Variants in RGS7BP observed in about 807,000 individuals in gnomAD.
The protein encoded by RGS7BP is regulator of G protein signaling 7 binding protein, also known as regulator of G protein signaling 7-binding protein.
In RGS7BP, 9 loss-of-function variants were observed where a neutral mutation model predicts 31.3. The ratio of observed to expected loss-of-function variants is 0.29; its 90% confidence interval spans 0.17 to 0.50. The LOEUF (loss-of-function observed/expected upper bound fraction) is 0.50, where lower values mean the gene tolerates loss of function less well. RGS7BP is among the 20% of genes least tolerant of loss of function. The pLI is 0.98. For synonymous variants in RGS7BP, 115 were observed against 120.1 expected (o/e 0.96, Z 0.28); for missense variants, 274 against 322.0 (o/e 0.85, Z 1.14).
At chr5:64,567,194 A>G (rs1200410547) in intron 2 of RGS7BP, among the ~76,000 whole-genome samples, 3 of 139,256 alleles carry the variant, frequency 2.2e-5, no homozygotes, top group African/African-American at 8.1e-5. Flanking sequence ...GTGGACCACT[A>G]ATGCGGTCCA....
intron 4 of RGS7BP, among the ~76,000 whole-genome samples, chr5:64,598,107 G>A (rs1743123522): frequency 6.6e-6 from 1 of 152,166 alleles, no homozygotes; most frequent in Admixed American, 6.5e-5. Flanking sequence ...TTCGACTGGA[G>A]GCAGAGATGA....
chr5:64,556,527 G>A (rs1011324369), intron 2 of RGS7BP, among the ~76,000 whole-genome samples: 2 of 150,742 alleles, frequency 1.3e-5, no homozygotes, highest in African/African-American at 2.4e-5. Flanking sequence ...TGGAAAATTT[G>A]TTACAATTTT....
chr5:64,574,989 A>ATTGCATGTG (rs1742382407), intron 2 of RGS7BP, among the ~76,000 whole-genome samples: 1 of 152,122 alleles, frequency 6.6e-6, no homozygotes, highest in East Asian at 1.9e-4. Flanking sequence ...AACACATGCT[A>ATTGCATGTG]TTTTAGTTGC....
chr5:64,545,683 C>A (rs1057304519), intron 2 of RGS7BP, among the ~76,000 whole-genome samples: 4 of 152,088 alleles, frequency 2.6e-5, no homozygotes, highest in African/African-American at 9.7e-5. Context: ...TAGTTAACTG[C>A]ATCTAAGAAA....
At chr5:64,513,418 T>G (rs879790900) in intron 2 of RGS7BP, among the ~76,000 whole-genome samples, 26 of 152,174 alleles carry the variant, frequency 1.7e-4, no homozygotes, top group African/African-American at 5.1e-4. Context: ...TGTGTTTAAT[T>G]TTTTTGCCCT....
At chr5:64,538,919 C>T (rs1741454684) in intron 2 of RGS7BP, among the ~76,000 whole-genome samples, 1 of 152,122 alleles carries the variant, frequency 6.6e-6, no homozygotes, top group African/African-American at 2.4e-5. Context: ...GAGATTCATC[C>T]ACATTGTTGA....
In RGS7BP at chr5:64,529,629, G is replaced by C. The variant is rs867537942; in HGVS notation, c.332+21752G>C. Among the ~76,000 whole-genome samples the C allele has an allele frequency of 2.0e-5, 3 of 152,296 alleles. No homozygotes were observed. In the South Asian group the frequency reaches 6.2e-4, roughly 32 times the overall value. The stretch of plus-strand genomic sequence containing the variant: ...TTTTCTTGGTCTGGGGCATGGCCTG[G>C]GTTCCAGAATTTTTAAAATACCTCC... On this transcript the variant is annotated intron_variant, in intron 2 of 5. Coordinates refer to ENST00000334025, the MANE Select transcript of RGS7BP (RefSeq NM_001029875.3).
At chr5:64,589,071 G>A (rs1040057418) in intron 3 of RGS7BP, among the ~76,000 whole-genome samples, 5 of 152,118 alleles carry the variant, frequency 3.3e-5, no homozygotes, top group Non-Finnish European at 7.4e-5. Flanking sequence ...CAAGGTGGGT[G>A]GATCACTTAG....
At position 64,507,869 on chromosome 5, in the gene RGS7BP, C is replaced by T. The variant is rs1264927513; in HGVS notation, c.324C>T (p.Ala108=). 2 of 1,613,028 alleles carry T rather than the reference C, an allele frequency of 1.2e-6. No individual in the cohort carries two copies. The highest frequency in any genetic ancestry group is 1.1e-5 in the South Asian group (1 of 90,970). ...GTCAGGCACACCAAAAATTGGCTGC[C>T]ATCTCAGGGTAGGAGACTCGGCATT... ...MARQAHQKLA[A]ISGPEDGEIH... is the part of the protein sequence containing the mutation. The change falls in exon 2 of 6, where the codon GCC becomes GCT. Residue 108 remains alanine (A), a synonymous_variant. Coordinates refer to ENST00000334025, the MANE Select transcript of RGS7BP (RefSeq NM_001029875.3).
chr5:64,541,161 C>G (rs1453902465), intron 2 of RGS7BP, among the ~76,000 whole-genome samples: 1 of 152,096 alleles, frequency 6.6e-6, no homozygotes, highest in Non-Finnish European at 1.5e-5. Context: ...ACAATCATGG[C>G]AGAAGGCAAA....
At position 64,585,681 on chromosome 5, in the gene RGS7BP, G is replaced by A. The variant is rs147803372; in HGVS notation, c.464-9029G>A. ...GACCGGCAATTTCTCACGAATATAA[G>A]AATAACCAACCTTTCAATTTGTTAT... On this transcript the variant is annotated intron_variant, in intron 3 of 5. Coordinates refer to ENST00000334025, the MANE Select transcript of RGS7BP (RefSeq NM_001029875.3). Among the ~76,000 whole-genome samples, 213 of 152,220 alleles carry A rather than the reference G, an allele frequency of 1.4e-3. 1 individual carries two copies. The highest frequency in any genetic ancestry group is 2.7e-3 in the Non-Finnish European group (182 of 68,010).
intron 2 of RGS7BP, among the ~76,000 whole-genome samples, chr5:64,553,973 T>A (rs1384130595): frequency 1.3e-5 from 2 of 152,174 alleles, no homozygotes; most frequent in Non-Finnish European, 2.9e-5. Flanking sequence ...AAAAAGGGGC[T>A]TGTAGTTAGA....
chr5:64,594,969 G>A, intron 4 of RGS7BP, 112 bp downstream of exon 4: 1 of 1,178,914 alleles, frequency 8.5e-7, no homozygotes, highest in Non-Finnish European at 1.2e-6. Context: ...AGCTTTCTTT[G>A]GTATGCCAGA....
intron 5 of RGS7BP, among the ~76,000 whole-genome samples, chr5:64,604,717 T>A (rs116426840): frequency 0.012 from 1,809 of 152,282 alleles, 39 homozygotes; most frequent in African/African-American, 0.042. Context: ...GCTGAGGGTC[T>A]CTCTCTTTTT....
At chr5:64,557,088 A>C (rs1033658069) in intron 2 of RGS7BP, among the ~76,000 whole-genome samples, 1 of 152,174 alleles carries the variant, frequency 6.6e-6, no homozygotes, top group Non-Finnish European at 1.5e-5. Context: ...ACATTCTTAA[A>C]AAGTGGAACT....
At chr5:64,607,178 A>G (rs1347335180) in intron 5 of RGS7BP, among the ~76,000 whole-genome samples, 1 of 152,150 alleles carries the variant, frequency 6.6e-6, no homozygotes, top group East Asian at 1.9e-4. Context: ...GGAGAAGCCC[A>G]GGCACTTAGA....
chr5:64,575,732 T>G (rs1383765800), intron 2 of RGS7BP, 42 bp from the exon 3 acceptor site: 18 of 1,571,196 alleles, frequency 1.1e-5, no homozygotes, highest in Non-Finnish European at 1.6e-5. Context: ...ATGAGTGAAA[T>G]CTTGAGAATG....
chr5:64,571,970 A>T (rs1016323919), intron 2 of RGS7BP, among the ~76,000 whole-genome samples: 3 of 152,198 alleles, frequency 2.0e-5, no homozygotes, highest in Non-Finnish European at 4.4e-5. Flanking sequence ...GAAAAAATAA[A>T]TAATCACAAT....
chr5:64,584,192 T>C (rs1246360410), intron 3 of RGS7BP, among the ~76,000 whole-genome samples: 1 of 152,216 alleles, frequency 6.6e-6, no homozygotes, highest in Non-Finnish European at 1.5e-5. Context: ...TCTTATTTAA[T>C]GATTAGTGAG....
Sources: gnomAD v4.1 joint callset for allele counts (sites outside exome capture counted in the v4.1 genomes callset) on GRCh38, gnomAD v4.1.1 for gene constraint, MANE v1.5 for transcripts, NCBI Gene and HGNC (gene_info 2026-07-23, HGNC 2026-07-21) for gene names.